Variants in CBLN2 observed in about 807,000 individuals in gnomAD.
CBLN2 encodes the protein cerebellin 2 precursor.
Under a neutral mutation model 15.0 loss-of-function variants are expected in CBLN2, and 7 were observed. The observed-to-expected ratio is 0.47, with a 90% CI of 0.27 to 0.88. The LOEUF (loss-of-function observed/expected upper bound fraction) is 0.88. Ranked by LOEUF, CBLN2 falls within the 40% of genes least tolerant of loss-of-function variation. The probability of loss-of-function intolerance (pLI) is 0.14; values close to 1 mark genes in which losing one functional copy is unlikely to be tolerated. For synonymous variants in CBLN2, 149 were observed against 135.2 expected, an observed-to-expected ratio of 1.10 and a Z score of -0.71; for missense variants, 242 against 304.5, an observed-to-expected ratio of 0.79 and a Z score of 1.53.
At chr18:72,540,037 G>A (rs1440249165) in intron 3 of CBLN2, 1 of 152,126 alleles carries the variant, frequency 6.6e-6, no homozygotes, top group Admixed American at 6.5e-5. Flanking sequence ...ACCCAGCTGT[G>A]AGCACCACTT....
intron 1 of CBLN2, among the ~76,000 whole-genome samples, chr18:72,577,541 G>T (rs536380643): frequency 1.3e-5 from 2 of 152,306 alleles, no homozygotes; most frequent in East Asian, 3.9e-4. Context: ...AAAAACAATT[G>T]CAGGGATTTT....
chr18:72,579,447 T>C (rs952607864), intron 1 of CBLN2, among the ~76,000 whole-genome samples: 12 of 152,174 alleles, frequency 7.9e-5, no homozygotes, highest in African/African-American at 2.4e-4. Context: ...AATTTAGGCA[T>C]ATTCTAAGAA....
intron 1 of CBLN2, chr18:72,618,464 G>A (rs538355363): frequency 3.0e-6 from 2 of 662,530 alleles, no homozygotes; most frequent in Non-Finnish European, 2.8e-6. Flanking sequence ...CCACTGTGGA[G>A]GAGGTGGATG....
chr18:72,542,272 C>A lies in CBLN2; in HGVS notation c.-112G>T, dbSNP rs1350973624. On this transcript the variant is annotated 5_prime_UTR_variant, in exon 3 of 5. It introduces an in-frame stop codon into an upstream open reading frame of the 5' UTR. Transcript: ENST00000269503. ...GCAGCAGCCTCCGGGGGCCTTCGTC[C>A]CCGGCTCTGACGTTCAAGGCCAGGG... 6.4e-6 allele frequency: 4 copies of A among 624,728 alleles called. No homozygotes were observed. In the African/African-American group the frequency reaches 7.9e-5, roughly 12 times the overall value. The allele number at this position is 624,728 out of a possible 1,614,324, so 38.7% of individuals were successfully genotyped here.
chr18:72,632,140 T>A (rs1205189937), intron 1 of CBLN2, among the ~76,000 whole-genome samples: 1 of 152,144 alleles, frequency 6.6e-6, no homozygotes, highest in Non-Finnish European at 1.5e-5. Context: ...ATAATTTACT[T>A]ACTCTTTGTT....
upstream of CBLN2, among the ~76,000 whole-genome samples, chr18:72,544,893 T>A (rs1446471786): frequency 6.6e-6 from 1 of 151,888 alleles, no homozygotes; most frequent in Non-Finnish European, 1.5e-5. Context: ...AAATCTACAC[T>A]CTATAGCCTG....
At chr18:72,604,774 T>A (rs775336605) in intron 1 of CBLN2, among the ~76,000 whole-genome samples, 7 of 152,220 alleles carry the variant, frequency 4.6e-5, no homozygotes, top group Non-Finnish European at 1.0e-4. Flanking sequence ...TCTGCAGAGT[T>A]CTAAGGCCCT....
rs1233841780 is a variant in CBLN2 at position 72,543,871 on chromosome 18, C to A, written c.-212+106G>T. 1 of 154,644 alleles carries A rather than the reference C, an allele frequency of 6.5e-6. No individual in the cohort carries two copies. The highest frequency in any genetic ancestry group is 1.4e-5 in the Non-Finnish European group (1 of 69,802). 9.6% of individuals were successfully genotyped at this position (154,644 alleles called of 1,614,324 possible). ...CGCGGGTCCCCTCGGCCCCGCAGCCCCGCCAGTCTCCAGAGGGCATAGCCG... is the reference window on the plus strand; with the variant it reads ...CGCGGGTCCCCTCGGCCCCGCAGCCACGCCAGTCTCCAGAGGGCATAGCCG... On this transcript the variant is annotated intron_variant, in intron 1 of 4. Coordinates refer to ENST00000269503, the MANE Select transcript of CBLN2 (RefSeq NM_182511.4). This position sits in a 1 kb window ranked among gnomAD's most constrained non-coding sequence, Gnocchi z 6.8.
intron 1 of CBLN2, among the ~76,000 whole-genome samples, chr18:72,605,959 G>A (rs2069580939): frequency 6.6e-6 from 1 of 152,140 alleles, no homozygotes; most frequent in African/African-American, 2.4e-5. Context: ...GAATACCAGA[G>A]CCTCATTTCC....
intron 1 of CBLN2, among the ~76,000 whole-genome samples, chr18:72,617,147 A>G (rs556078577): frequency 6.6e-6 from 1 of 152,314 alleles, no homozygotes; most frequent in East Asian, 1.9e-4. Flanking sequence ...AATACATGTT[A>G]TAAATTCAAG....
At chr18:72,584,338 A>T (rs1426892621) in intron 1 of CBLN2, among the ~76,000 whole-genome samples, 1 of 151,396 alleles carries the variant, frequency 6.6e-6, no homozygotes, top group Non-Finnish European at 1.5e-5. Context: ...CCTGAGACGA[A>T]GTCTTGCTCT....
chr18:72,564,287 TAGAC>T (rs1483563445), intron 1 of CBLN2, among the ~76,000 whole-genome samples: 2 of 152,078 alleles, frequency 1.3e-5, no homozygotes, highest in Admixed American at 6.5e-5. Context: ...AGAATGCACA[TAGAC>T]AGTTCAATGA....
intron 1 of CBLN2, among the ~76,000 whole-genome samples, chr18:72,592,855 T>C (rs1029929738): frequency 1.3e-5 from 2 of 152,140 alleles, no homozygotes; most frequent in African/African-American, 4.8e-5. Context: ...CTTTGTACCT[T>C]TTTTATACCA....
intron 1 of CBLN2, among the ~76,000 whole-genome samples, chr18:72,604,480 AAC>A (rs2069570257): frequency 6.6e-6 from 1 of 152,180 alleles, no homozygotes; most frequent in African/African-American, 2.4e-5. Context: ...TGTTTTAGGC[AAC>A]ACACAATTTA....
Position 72,555,088 on chromosome 18 carries a change from T to C in CBLN2, c.16-16316A>G, listed in dbSNP as rs149003456. 2.4e-3 allele frequency among the ~76,000 whole-genome samples: 370 copies of C among 151,062 alleles called. 3 individuals are homozygous for C. The highest frequency in any genetic ancestry group is 8.4e-3 in the African/African-American group (349 of 41,318). ...AGGTGGAGGTTGCAGTGAGCCGAGA[T>C]CATGCCACTGCACTCCAGCCTGGGT... On this transcript the variant is annotated intron_variant, in intron 1 of 2. Coordinates refer to the CBLN2 transcript ENST00000581073.
rs949507101 is a variant in CBLN2 at position 72,543,581 on chromosome 18, G to A, written c.-211-51C>T. On this transcript the variant is annotated intron_variant, in intron 1 of 4. Transcript: ENST00000269503. The surrounding 1 kb of genome is among the most constrained non-coding windows in gnomAD (Gnocchi z 6.8). ...GGAGCTGTCGGGAGGAGGACACGGA[G>A]CGCGACCCTGCTCCCAGCGCGTGGC... 3.3e-5 allele frequency: 13 copies of A among 396,852 alleles called. No individual in the cohort carries two copies. Among genetic ancestry groups the A allele is most frequent in the Non-Finnish European group, 5.8e-5 (13 of 225,084 alleles). The allele number at this position is 396,852 out of a possible 1,614,324, so 24.6% of individuals were successfully genotyped here.
intron 1 of CBLN2, among the ~76,000 whole-genome samples, chr18:72,615,059 A>AG (rs1491267161): frequency 7.2e-6 from 1 of 138,168 alleles, no homozygotes; most frequent in Non-Finnish European, 1.5e-5. Flanking sequence ...ATATATATAA[A>AG]TATATATATT....
chr18:72,594,117 C>T (rs1386304178), intron 1 of CBLN2, among the ~76,000 whole-genome samples: 1 of 152,100 alleles, frequency 6.6e-6, no homozygotes, highest in Non-Finnish European at 1.5e-5. Context: ...GAACATCACA[C>T]ACTGGGGCCT....
chr18:72,567,431 C>G (rs2069302559), intron 1 of CBLN2, among the ~76,000 whole-genome samples: 1 of 152,076 alleles, frequency 6.6e-6, no homozygotes, highest in African/African-American at 2.4e-5. Flanking sequence ...TACTGCTTGT[C>G]CAGAATTATT....
Sources: gnomAD v4.1 joint callset for allele counts (sites outside exome capture counted in the v4.1 genomes callset) on GRCh38, gnomAD v4.1.1 for gene constraint, Gnocchi (gnomAD v3.1) non-coding constraint, MANE v1.5 for transcripts, NCBI Gene and HGNC (gene_info 2026-07-23, HGNC 2026-07-21) for gene names.